CMIP: variants seen among roughly 807,000 people sequenced by gnomAD.
The protein encoded by CMIP is C-Maf-inducing protein.
In CMIP, 13 loss-of-function variants were observed where a neutral mutation model predicts 97.3. That is an observed-to-expected ratio of 0.13 (90% CI 0.09 to 0.21). The LOEUF is 0.21. Among genes scored for constraint, CMIP ranks in the 10% least tolerant of loss-of-function variants. The probability of loss-of-function intolerance (pLI) is 1.00; values close to 1 mark genes in which losing one functional copy is unlikely to be tolerated. For missense variants in CMIP, 847 were observed against 1,024.9 expected, an observed-to-expected ratio of 0.83 and a Z score of 2.37; for synonymous variants, 538 against 436.3, an observed-to-expected ratio of 1.23 and a Z score of -2.91.
intron 1 of CMIP, among the ~76,000 whole-genome samples, chr16:81,493,235 C>G (rs1042193358): frequency 1.3e-5 from 2 of 152,168 alleles, no homozygotes; most frequent in Admixed American, 6.5e-5. Flanking sequence ...TAGGGCCCTC[C>G]CCCAGCATCA....
In CMIP at chr16:81,693,912, G is replaced by T. The variant is rs577255616; in HGVS notation, c.1530+425G>T. Among the ~76,000 whole-genome samples, 3 of 152,348 alleles carry T rather than the reference G, an allele frequency of 2.0e-5. No homozygotes were observed. The East Asian group carries it at 5.8e-4, about 29-fold the overall frequency. On this transcript the variant is annotated intron_variant, in intron 13 of 20. Coordinates refer to ENST00000537098, the MANE Select transcript of CMIP (RefSeq NM_198390.3). ...TGGCCAAGGGTTTCCCTGAAGGGCT[G>T]CTGTGTCCCTCACCAAAGCTGGGCT...
chr16:81,591,651 A>G (rs751196147), intron 1 of CMIP, among the ~76,000 whole-genome samples: 4 of 152,080 alleles, frequency 2.6e-5, no homozygotes, highest in Non-Finnish European at 4.4e-5. Flanking sequence ...ATGGAGGTCA[A>G]CACTCCGGAC....
chr16:81,579,282 C>G (rs1318971618), intron 1 of CMIP, among the ~76,000 whole-genome samples: 1 of 152,158 alleles, frequency 6.6e-6, no homozygotes, highest in Non-Finnish European at 1.5e-5. Flanking sequence ...CCTGGGGCCT[C>G]CATGGGGCAG....
chr16:81,533,088 T>C (rs547178803), intron 1 of CMIP, among the ~76,000 whole-genome samples: 18 of 152,320 alleles, frequency 1.2e-4, no homozygotes, highest in African/African-American at 3.6e-4. Context: ...TCCAAAAAGT[T>C]GGCACCCACT....
chr16:81,685,783 C>T (rs545836365), intron 10 of CMIP, among the ~76,000 whole-genome samples: 7 of 151,112 alleles, frequency 4.6e-5, no homozygotes, highest in African/African-American at 1.7e-4. Context: ...AAGCCAGTCT[C>T]GAACTCCTGG....
intron 2 of CMIP, 112 bp downstream of exon 2, chr16:81,607,804 C>T (rs1382449479): frequency 1.6e-6 from 2 of 1,215,234 alleles, no homozygotes; most frequent in Non-Finnish European, 2.3e-6. Context: ...GGTTGTTTAA[C>T]TTTGGGTGAT....
intron 1 of CMIP, among the ~76,000 whole-genome samples, chr16:81,573,102 G>A (rs776224483): frequency 8.5e-5 from 13 of 152,204 alleles, no homozygotes; most frequent in Non-Finnish European, 1.8e-4. Context: ...CCAGCACTTC[G>A]GGAGGCCGAG....
At chr16:81,511,603 C>T (rs954429730) in intron 1 of CMIP, among the ~76,000 whole-genome samples, 1 of 152,232 alleles carries the variant, frequency 6.6e-6, no homozygotes, top group Non-Finnish European at 1.5e-5. Context: ...CTCTGTTGCT[C>T]AGGCTGGAGT....
intron 3 of CMIP, among the ~76,000 whole-genome samples, chr16:81,638,274 G>T (rs2092261800): frequency 6.6e-6 from 1 of 152,190 alleles, no homozygotes; most frequent in Admixed American, 6.5e-5. Context: ...ATTCACAGAT[G>T]GCAGGGGTTG....
intron 1 of CMIP, among the ~76,000 whole-genome samples, chr16:81,545,887 G>A (rs978320668): frequency 2.0e-5 from 3 of 152,160 alleles, no homozygotes; most frequent in Admixed American, 1.3e-4. Context: ...CCACATGCCT[G>A]TAAGAGAATT....
intron 10 of CMIP, among the ~76,000 whole-genome samples, chr16:81,680,391 G>C (rs1026936568): frequency 6.6e-6 from 1 of 152,252 alleles, no homozygotes; most frequent in East Asian, 1.9e-4. Flanking sequence ...CTGCTAGCAA[G>C]GCCTGTGGTG....
intron 1 of CMIP, among the ~76,000 whole-genome samples, chr16:81,570,662 T>G (rs1205435317): frequency 2.0e-5 from 3 of 152,018 alleles, no homozygotes; most frequent in African/African-American, 2.4e-5. Context: ...GAGGAAAGGC[T>G]CTCCCTGGCA....
At chr16:81,504,663 A>G (rs950991103) in intron 1 of CMIP, among the ~76,000 whole-genome samples, 1 of 144,848 alleles carries the variant, frequency 6.9e-6, no homozygotes, top group Non-Finnish European at 1.5e-5. Flanking sequence ...AAAAAAAAAA[A>G]AAAGAAAAGA....
rs35148332 is a variant in CMIP, at chr16:81,506,904, C to CAA, written c.300+61379_300+61380dup. ...TGGATGACAGAGCGAGACTCCGTCT[C>CAA]AAAAAAAAAAAAAAAAAGAAATGGC... On this transcript the variant is annotated intron_variant, in intron 1 of 20. Coordinates refer to ENST00000537098, the MANE Select transcript of CMIP (RefSeq NM_198390.3). Among the ~76,000 whole-genome samples, 206 of 105,894 alleles carry CAA rather than the reference C, an allele frequency of 1.9e-3. 1 individual carries two copies. The highest frequency in any genetic ancestry group is 5.9e-3 in the Middle Eastern group (1 of 170). The allele number at this position is 105,894 out of a possible 152,430, so 69.5% of individuals were successfully genotyped here.
At chr16:81,683,036 C>T (rs796789163) in intron 10 of CMIP, among the ~76,000 whole-genome samples, 1 of 152,166 alleles carries the variant, frequency 6.6e-6, no homozygotes, top group Non-Finnish European at 1.5e-5. Flanking sequence ...TGATTCACAC[C>T]TTCATTTATC....
intron 1 of CMIP, chr16:81,464,760 C>G (rs1272757611): frequency 6.6e-6 from 1 of 152,230 alleles, no homozygotes; most frequent in Non-Finnish European, 1.5e-5. Flanking sequence ...TACTTGCTGT[C>G]TCTATGAGTT....
rs775816580 is a variant in CMIP at position 81,696,619 on chromosome 16, C to T, written c.1590C>T (p.Ser530=). Residue 530 remains serine, a synonymous_variant, in exon 14 of 21, where the codon AGC becomes AGT. Coordinates refer to ENST00000537098, the MANE Select transcript of CMIP (RefSeq NM_198390.3). The stretch of plus-strand genomic sequence containing the variant: ...AAGATGGCTGGTTCCAGCTCTACAG[C>T]CCCGGAGGGGTGGCCTGCGACGATG... The part of the protein sequence containing the change: ...AGKDGWFQLY[S]PGGVACDDDG... 8 of 1,607,174 alleles carry T rather than the reference C, an allele frequency of 5.0e-6. No individual in the cohort carries two copies. Among genetic ancestry groups the T allele is most frequent in the South Asian group, 3.3e-5 (3 of 91,090 alleles).
At chr16:81,615,647 G>A (rs926459693) in intron 2 of CMIP, among the ~76,000 whole-genome samples, 4 of 149,456 alleles carry the variant, frequency 2.7e-5, no homozygotes, top group African/African-American at 9.9e-5. Flanking sequence ...TGTATGGTGT[G>A]TGTATGTGTG....
chr16:81,635,523 A>G (rs192306497), intron 3 of CMIP, among the ~76,000 whole-genome samples: 32 of 152,340 alleles, frequency 2.1e-4, no homozygotes, highest in Admixed American at 1.8e-3. Flanking sequence ...AGATGCAGAC[A>G]TAAGTATTAT....
Sources: allele counts gnomAD v4.1 joint callset (sites outside exome capture counted in the v4.1 genomes callset), GRCh38; gene constraint gnomAD v4.1.1; transcripts MANE v1.5; gene names NCBI Gene and HGNC (gene_info 2026-07-23, HGNC 2026-07-21).